The following SHANK2 variants were observed in gnomAD, a reference collection of about 807,000 sequenced individuals.
The protein encoded by SHANK2 is SH3 and multiple ankyrin repeat domains protein 2.
In SHANK2, 43 loss-of-function variants were observed where a neutral mutation model predicts 133.7. The ratio of observed to expected loss-of-function variants is 0.32; its 90% CI spans 0.25 to 0.41. The LOEUF is 0.41. SHANK2 is among the 10% of genes least tolerant of loss of function. The pLI is 1.00. For missense variants in SHANK2, 1,994 were observed against 2,235.8 expected, an observed-to-expected ratio of 0.89 and a Z score of 2.18; for synonymous variants, 1,017 against 952.8, an observed-to-expected ratio of 1.07 and a Z score of -1.24.
intron 14 of SHANK2, among the ~76,000 whole-genome samples, chr11:70,737,948 G>T (rs1946439477): frequency 6.6e-6 from 1 of 152,268 alleles, no homozygotes; most frequent in Non-Finnish European, 1.5e-5. Flanking sequence ...CCTACGGTGA[G>T]CCGCGGAGAC....
At chr11:70,721,059 G>A (rs1338047176) in intron 14 of SHANK2, among the ~76,000 whole-genome samples, 3 of 152,222 alleles carry the variant, frequency 2.0e-5, no homozygotes, top group South Asian at 2.1e-4. Flanking sequence ...GGCCTGAGGT[G>A]AGATCCCTGA....
At chr11:70,489,284 G>A (rs562226663) in intron 24 of SHANK2, 44 bp downstream of exon 24, 4 of 1,584,742 alleles carry the variant, frequency 2.5e-6, no homozygotes, top group East Asian at 4.5e-5. Flanking sequence ...AAGTAAACTG[G>A]GTTACATTCA....
intron 9 of SHANK2, among the ~76,000 whole-genome samples, chr11:71,065,461 G>A (rs1358704522): frequency 6.0e-5 from 8 of 132,618 alleles, no homozygotes; most frequent in South Asian, 5.1e-4. Flanking sequence ...GGAAGTTGGG[G>A]GGTGTGTGCA....
At chr11:70,943,672 C>A (rs1555084780) in intron 10 of SHANK2, among the ~76,000 whole-genome samples, 5 of 152,178 alleles carry the variant, frequency 3.3e-5, no homozygotes, top group Admixed American at 1.3e-4. Flanking sequence ...TTGTTTGCAA[C>A]ACCCAGTGCC....
intron 1 of SHANK2, among the ~76,000 whole-genome samples, chr11:71,239,957 G>A (rs1306145695): frequency 6.6e-6 from 1 of 152,178 alleles, no homozygotes; most frequent in Non-Finnish European, 1.5e-5. Context: ...CACATCCCCG[G>A]GAGCTGGGCA....
At chr11:70,571,101 C>T (rs782174947) in intron 17 of SHANK2, among the ~76,000 whole-genome samples, 1 of 152,132 alleles carries the variant, frequency 6.6e-6, no homozygotes, top group Non-Finnish European at 1.5e-5. Flanking sequence ...TGGCTTCCCC[C>T]AAGGCCTCTC....
chr11:70,950,654 C>A (rs1175362725), intron 10 of SHANK2, among the ~76,000 whole-genome samples: 1 of 151,890 alleles, frequency 6.6e-6, no homozygotes, highest in Non-Finnish European at 1.5e-5. Context: ...GTGGCCCAGG[C>A]TGGAGTACAA....
chr11:70,936,304 G>C (rs185723063), intron 10 of SHANK2, among the ~76,000 whole-genome samples: 2 of 152,198 alleles, frequency 1.3e-5, no homozygotes, highest in African/African-American at 4.8e-5. Context: ...CTGAGGTCAG[G>C]AGTTTGAGAC....
chr11:70,679,822 C>T (rs375987507), intron 15 of SHANK2, among the ~76,000 whole-genome samples: 6 of 152,196 alleles, frequency 3.9e-5, no homozygotes, highest in East Asian at 1.9e-4. Context: ...CAACTAGAAC[C>T]GGTGCCCCTC....
At chr11:71,083,613 A>G (rs1951330764) in intron 8 of SHANK2, among the ~76,000 whole-genome samples, 2 of 152,148 alleles carry the variant, frequency 1.3e-5, no homozygotes, top group Non-Finnish European at 2.9e-5. Context: ...TACTGAGTCA[A>G]ACTCAGAGAG....
intron 11 of SHANK2, among the ~76,000 whole-genome samples, chr11:70,871,267 C>T (rs1206476092): frequency 6.6e-6 from 1 of 152,144 alleles, no homozygotes; most frequent in South Asian, 2.1e-4. Context: ...GGTCTGGGCT[C>T]GCCTGGTGGC....
intron 17 of SHANK2, among the ~76,000 whole-genome samples, chr11:70,653,200 C>T (rs1282185588): frequency 2.6e-5 from 4 of 152,100 alleles, no homozygotes; most frequent in African/African-American, 9.7e-5. Flanking sequence ...GTCTCGATTT[C>T]CTGACCTCGT....
chr11:70,727,846 G>A (rs564153242), intron 14 of SHANK2, among the ~76,000 whole-genome samples: 18 of 152,348 alleles, frequency 1.2e-4, no homozygotes, highest in Admixed American at 5.9e-4. Flanking sequence ...GCCATGGGCT[G>A]TCCTCAGTTT....
Position 70,674,360 on chromosome 11 carries a change from CT to C in SHANK2, c.1854-12683del, listed in dbSNP as rs879945786. Among the ~76,000 whole-genome samples, 380 of 146,842 alleles carry C rather than the reference CT, an allele frequency of 2.6e-3. 1 individual carries two copies. The highest frequency in any genetic ancestry group is 6.1e-3 in the African/African-American group (246 of 40,524). ...ATGGGAAGTATTTTAATGATGTCCCCTTTTTTTTTTTTGAGACGGAGTTTTG... is the reference window on the plus strand; with the variant it reads ...ATGGGAAGTATTTTAATGATGTCCCCTTTTTTTTTTTGAGACGGAGTTTTG... On this transcript the variant is annotated intron_variant, in intron 15 of 25. Transcript: ENST00000601538.
chr11:70,585,951 T>G (rs1554986618), intron 17 of SHANK2, among the ~76,000 whole-genome samples: 1 of 151,878 alleles, frequency 6.6e-6, no homozygotes, highest in Non-Finnish European at 1.5e-5. Context: ...CATCCATCCA[T>G]CCATCCAACA....
intron 17 of SHANK2, among the ~76,000 whole-genome samples, chr11:70,642,465 T>A (rs370806015): frequency 6.6e-6 from 1 of 152,186 alleles, no homozygotes; most frequent in African/African-American, 2.4e-5. Flanking sequence ...GGTCACCCCA[T>A]GTGAACTGCT....
rs967262151 is a variant in SHANK2 at position 70,937,831 on chromosome 11, G to A, written c.1108-41264C>T. On this transcript the variant is annotated intron_variant, in intron 10 of 25. Coordinates refer to ENST00000601538, the MANE Select transcript of SHANK2 (RefSeq NM_012309.5). ...ACACAAATCCACTCAGATGGGCTCA[G>A]TCCCAGAGGCAGAATCTCACAAAAA... Among the ~76,000 whole-genome samples the A allele has an allele frequency of 4.6e-5, 7 of 152,122 alleles. No individual in the cohort carries two copies. The East Asian group carries it at 1.4e-3, about 29-fold the overall frequency.
chr11:70,640,323 G>C (rs1201425755), intron 17 of SHANK2, among the ~76,000 whole-genome samples: 1 of 152,188 alleles, frequency 6.6e-6, no homozygotes, highest in African/African-American at 2.4e-5. Context: ...GCAGAGAGGA[G>C]AAGGCCACGT....
intron 10 of SHANK2, among the ~76,000 whole-genome samples, chr11:70,932,349 G>A (rs530610451): frequency 2.3e-4 from 35 of 152,314 alleles, no homozygotes; most frequent in Admixed American, 1.6e-3. Flanking sequence ...TAGACACTCC[G>A]GGAGCTAGAA....
Sources: gnomAD v4.1 joint callset for allele counts (sites outside exome capture counted in the v4.1 genomes callset) on GRCh38, gnomAD v4.1.1 for gene constraint, MANE v1.5 for transcripts, NCBI Gene and HGNC (gene_info 2026-07-23, HGNC 2026-07-21) for gene names.